ZFYVE28: variants seen among roughly 807,000 people sequenced by gnomAD.
ZFYVE28 encodes the protein lateral signaling target protein 2 homolog.
ZFYVE28 carries 40 observed loss-of-function variants against 82.1 expected under a neutral mutation model. The ratio of observed to expected loss-of-function variants is 0.49; its 90% confidence interval spans 0.38 to 0.63. ZFYVE28 has a LOEUF of 0.63. Among genes scored for constraint, ZFYVE28 ranks in the 30% least tolerant of loss-of-function variants. The probability of loss-of-function intolerance (pLI) is 0.00; values close to 1 mark genes in which losing one functional copy is unlikely to be tolerated. For synonymous variants in ZFYVE28, 612 were observed against 546.1 expected, an observed-to-expected ratio of 1.12 and a Z score of -1.68; for missense variants, 1,321 against 1,242.1, an observed-to-expected ratio of 1.06 and a Z score of -0.96.
chr4:2,352,528 A>G (rs1049915579), intron 2 of ZFYVE28, among the ~76,000 whole-genome samples: 1 of 151,664 alleles, frequency 6.6e-6, no homozygotes, highest in African/African-American at 2.4e-5. Flanking sequence ...CCCGAATCAG[A>G]TGATGCTGAG....
chr4:2,383,070 G>T (rs1422759645), intron 1 of ZFYVE28, among the ~76,000 whole-genome samples: 2 of 152,110 alleles, frequency 1.3e-5, no homozygotes, highest in Non-Finnish European at 2.9e-5. Context: ...TTCAAGTTGC[G>T]ACTTTGGCGG....
chr4:2,359,120 G>A (rs1242426357), intron 1 of ZFYVE28, among the ~76,000 whole-genome samples: 5 of 151,328 alleles, frequency 3.3e-5, no homozygotes, highest in African/African-American at 7.3e-5. Context: ...GACTACAGGC[G>A]CCCACCACCA....
chr4:2,389,133 C>T (rs934467728), intron 1 of ZFYVE28, among the ~76,000 whole-genome samples: 1 of 152,158 alleles, frequency 6.6e-6, no homozygotes, highest in Non-Finnish European at 1.5e-5. Flanking sequence ...ATGGCTCCTG[C>T]CCCCTAGATC....
rs1049654154 is a variant in ZFYVE28 at position 2,418,594 on chromosome 4, G to C, written c.-271C>G. The C allele has an allele frequency of 2.6e-5, 4 of 153,720 alleles. No individual in the cohort carries two copies. Among genetic ancestry groups the C allele is most frequent in the South Asian group, 2.0e-4 (1 of 4,888 alleles). The allele number at this position is 153,720 out of a possible 1,614,324, so 9.5% of individuals were successfully genotyped here. A position where few individuals can be genotyped will look rare whatever the true frequency, so the allele number is the denominator to read the frequency against. On this transcript the variant is annotated 5_prime_UTR_variant, in exon 1 of 13. Transcript: ENST00000290974. The surrounding 1 kb of genome is among the most constrained non-coding windows in gnomAD (Gnocchi z 4.6). ...CGGGCGCACGGACAGACGCGGGCAC[G>C]GGGGCGCGCGGCTCCTCGCTGCTCA...
At chr4:2,276,609 C>G (rs1255743817) in intron 8 of ZFYVE28, among the ~76,000 whole-genome samples, 1 of 152,192 alleles carries the variant, frequency 6.6e-6, no homozygotes, top group Non-Finnish European at 1.5e-5. Context: ...ACCCATACAA[C>G]AGAATATTAT....
At chr4:2,397,471 C>CAAAA in intron 1 of ZFYVE28, among the ~76,000 whole-genome samples, 1 of 98,248 alleles carries the variant, frequency 1.0e-5, no homozygotes, top group Non-Finnish European at 2.0e-5. Context: ...GACTCGGTCT[C>CAAAA]AAAAAAAAAA....
chr4:2,276,596 T>C (rs1736473022), intron 8 of ZFYVE28, among the ~76,000 whole-genome samples: 1 of 152,174 alleles, frequency 6.6e-6, no homozygotes, highest in African/African-American at 2.4e-5. Flanking sequence ...CCAAATGTGG[T>C]CCACCCATAC....
chr4:2,309,784 T>G (rs563482383), intron 7 of ZFYVE28, among the ~76,000 whole-genome samples: 1 of 152,326 alleles, frequency 6.6e-6, no homozygotes, highest in East Asian at 1.9e-4. Context: ...GGACGAAATC[T>G]GTTTCTATAT....
At position 2,272,867 on chromosome 4, in the gene ZFYVE28, G is replaced by A. The variant is rs181111859; in HGVS notation, c.2323+306C>T. Among the ~76,000 whole-genome samples, 6 of 152,352 alleles carry A rather than the reference G, an allele frequency of 3.9e-5. No homozygotes were observed. The East Asian group carries it at 7.7e-4, about 20-fold the overall frequency. ...GCTGCACATGCAGGGGACAGAAGCC[G>A]GGGCTGTGGGCACAAGCCATGGGCC... On this transcript the variant is annotated intron_variant, in intron 10 of 12. Coordinates refer to ENST00000290974, the MANE Select transcript of ZFYVE28 (RefSeq NM_020972.3).
chr4:2,409,672 G>A lies in ZFYVE28; in HGVS notation c.39+8613C>T, dbSNP rs1026351308. 6.6e-6 allele frequency among the ~76,000 whole-genome samples: 1 copy of A among 152,266 alleles called. No homozygotes were observed. The highest frequency in any genetic ancestry group is 2.4e-5 in the African/African-American group (1 of 41,476). ...CCCATGCCGGCGCTGTGAGAAGGCTGAGTCCAGTACACCCACGGTGGGGTG... is the reference window on the plus strand; with the variant it reads ...CCCATGCCGGCGCTGTGAGAAGGCTAAGTCCAGTACACCCACGGTGGGGTG... On this transcript the variant is annotated intron_variant, in intron 1 of 12. Coordinates refer to ENST00000290974, the MANE Select transcript of ZFYVE28 (RefSeq NM_020972.3). The surrounding 1 kb of genome is among the most constrained non-coding windows in gnomAD (Gnocchi z 4.4).
intron 10 of ZFYVE28, 141 bp downstream of exon 10, chr4:2,273,032 G>C: frequency 1.4e-6 from 1 of 702,676 alleles, no homozygotes; most frequent in South Asian, 1.8e-5. Flanking sequence ...CAGAGGTCAG[G>C]GGATCCTGGG....
At position 2,362,564 on chromosome 4, in the gene ZFYVE28, C is replaced by T. The variant is rs964321; in HGVS notation, c.40-8491G>A. Among the ~76,000 whole-genome samples, 28,165 of 152,042 alleles carry T rather than the reference C, an allele frequency of 0.19. 2,748 individuals carry two copies. Among genetic ancestry groups the T allele is most frequent in the Middle Eastern group, 0.29 (86 of 294 alleles). ...ACTGAGGCCAGACGTCCATGGGCAG[C>T]CATGACCCATGTCCCCAAGGCAGGC... On this transcript the variant is annotated intron_variant, in intron 1 of 12. Transcript: ENST00000290974. The surrounding 1 kb of genome is among the most constrained non-coding windows in gnomAD (Gnocchi z 5.1).
chr4:2,339,624 C>G lies in ZFYVE28; in HGVS notation c.350G>C (p.Arg117Pro), dbSNP rs762098607. ...GCGCATGGCCATGCTCTCCAGCTCC[C>G]GGTTCATGATGATGGAGCCGGCGGC... ...CLAAGSIIMN[R>P]ELESMAMRPL... The change falls in exon 4 of 13, where the codon CGG (arginine) becomes CCG (proline). Residue 117 changes from arginine to proline, a missense_variant. This residue lies in a region of ZFYVE28 where 343 missense variants were observed against 408.4 expected (regional missense o/e 0.84). Coordinates refer to ENST00000290974, the MANE Select transcript of ZFYVE28 (RefSeq NM_020972.3). The surrounding 1 kb of genome is among the most constrained non-coding windows in gnomAD (Gnocchi z 5.0). 1 of 1,609,480 alleles carries G rather than the reference C, an allele frequency of 6.2e-7. No individual in the cohort carries two copies. The highest frequency in any genetic ancestry group is 2.2e-5 in the East Asian group (1 of 44,706).
chr4:2,312,590 T>A (rs1417716019), intron 7 of ZFYVE28, among the ~76,000 whole-genome samples: 1 of 150,450 alleles, frequency 6.6e-6, no homozygotes, highest in African/African-American at 2.5e-5. Flanking sequence ...TAGCCGGGTG[T>A]GGTGGCGGGC....
Position 2,274,085 on chromosome 4 carries a change from T to C in ZFYVE28, c.2183A>G (p.His728Arg). The change falls in exon 9 of 13, where the codon CAC becomes CGC. Residue 728 changes from histidine to arginine, a missense_variant. Transcript: ENST00000290974. ...SRFHGSHDLI[H>R]RLFVCISGVA... ...ACCTGAAATGCAGACGAACAGGCGG[T>C]GGATGAGGTCGTGGCTGCCGTGGAA... 1 of 1,613,930 alleles carries C rather than the reference T, an allele frequency of 6.2e-7. No homozygotes were observed. Among genetic ancestry groups the C allele is most frequent in the Non-Finnish European group, 8.5e-7 (1 of 1,179,972 alleles).
chr4:2,313,959 A>C (rs1019701543), intron 7 of ZFYVE28, among the ~76,000 whole-genome samples: 9 of 152,176 alleles, frequency 5.9e-5, no homozygotes, highest in Non-Finnish European at 1.2e-4. Context: ...TTACATTCTC[A>C]AGGGTTTTCC....
intron 1 of ZFYVE28, among the ~76,000 whole-genome samples, chr4:2,406,265 G>T (rs904358631): frequency 6.6e-6 from 1 of 150,586 alleles, no homozygotes; most frequent in African/African-American, 2.4e-5. Flanking sequence ...CCAGCTACTC[G>T]AGAGGCTGAG....
chr4:2,364,585 C>T (rs1480696744), intron 1 of ZFYVE28: 1 of 985,574 alleles, frequency 1.0e-6, no homozygotes, highest in Non-Finnish European at 1.2e-6. Flanking sequence ...TGGGCACAGA[C>T]GCCCGGGTGG....
At chr4:2,392,412 AATGGGACAAAAAGTATTAATAG>A (rs1470325477) in intron 1 of ZFYVE28, among the ~76,000 whole-genome samples, 1 of 152,166 alleles carries the variant, frequency 6.6e-6, no homozygotes, top group Non-Finnish European at 1.5e-5. Context: ...GACAACTACA[AATGGGACAAAAAGTATTAATAG>A]ATGGGACTCT....
Sources: gnomAD v4.1 joint callset for allele counts (sites outside exome capture counted in the v4.1 genomes callset) on GRCh38, gnomAD v4.1.1 for gene constraint, gnomAD v4.1.1 regional missense constraint, Gnocchi (gnomAD v3.1) non-coding constraint, MANE v1.5 for transcripts, NCBI Gene and HGNC (gene_info 2026-07-23, HGNC 2026-07-21) for gene names.